Variants in EPM2A observed in about 807,000 individuals in gnomAD.
The protein encoded by EPM2A is laforin.
EPM2A carries 21 observed loss-of-function variants against 26.5 expected under a neutral mutation model. The observed-to-expected ratio is 0.79, with a 90% confidence interval of 0.56 to 1.14. The LOEUF is 1.14. EPM2A is among the 50% of genes most tolerant of loss of function. EPM2A has a pLI of 0.00. For synonymous variants in EPM2A, 217 were observed against 177.6 expected (o/e 1.22, Z -1.76); for missense variants, 458 against 440.8 (o/e 1.04, Z -0.35).
At chr6:145,534,593 G>T (rs1416922817) in intron 2 of EPM2A, among the ~76,000 whole-genome samples, 1 of 152,248 alleles carries the variant, frequency 6.6e-6, no homozygotes, top group Non-Finnish European at 1.5e-5. Context: ...GTCAATGCAA[G>T]CACGGGGGCC....
intron 4 of EPM2A, among the ~76,000 whole-genome samples, chr6:145,444,573 G>A (rs570535492): frequency 6.6e-6 from 1 of 152,226 alleles, no homozygotes; most frequent in South Asian, 2.1e-4. Context: ...TCAGTTTTTG[G>A]TATCAGGATG....
Position 145,635,421 on chromosome 6 carries a change from T to C in EPM2A, c.542A>G (p.Lys181Arg). Residue 181 changes from lysine (K) to arginine (R), a missense_variant, in exon 3 of 4, where the codon AAG becomes AGG. By Grantham distance (26) the Lys-to-Arg change is conservative. Transcript: ENST00000367519. ...RQVEHVTIKLKHELGITAVMN... is the reference protein window; with the variant it reads ...RQVEHVTIKLRHELGITAVMN... ...TACAGCTGTAATCCCCAATTCATGCTTCAGTTTGATGGTTACATGTTCCAC... is the reference window on the plus strand; with the variant it reads ...TACAGCTGTAATCCCCAATTCATGCCTCAGTTTGATGGTTACATGTTCCAC... 6.2e-7 allele frequency: 1 copy of C among 1,614,056 alleles called. No homozygotes were observed. Among genetic ancestry groups the C allele is most frequent in the Non-Finnish European group, 8.5e-7 (1 of 1,179,884 alleles).
At chr6:145,542,157 A>G (rs1378039625) in intron 2 of EPM2A, among the ~76,000 whole-genome samples, 1 of 152,236 alleles carries the variant, frequency 6.6e-6, no homozygotes, top group African/African-American at 2.4e-5. Flanking sequence ...AAGCTTCTGA[A>G]TATTTCTTCA....
intron 4 of EPM2A, among the ~76,000 whole-genome samples, chr6:145,494,999 C>T (rs539429352): frequency 2.2e-4 from 33 of 152,214 alleles, no homozygotes; most frequent in African/African-American, 3.6e-4. Flanking sequence ...AGATACCTAT[C>T]GGGTCCCTTT....
At chr6:145,624,807 T>A (rs1455431503), downstream of EPM2A, among the ~76,000 whole-genome samples, 1 of 152,208 alleles carries the variant, frequency 6.6e-6, no homozygotes, top group Non-Finnish European at 1.5e-5. Flanking sequence ...TTTTTCATCA[T>A]TATTTCTTAC....
exon 5 of EPM2A, chr6:145,383,451 T>C (rs1305821315): frequency 6.6e-6 from 1 of 152,184 alleles, no homozygotes; most frequent in African/African-American, 2.4e-5. Flanking sequence ...TCAGGAAACT[T>C]TTGATCATGG....
chr6:145,509,475 T>C (rs193012122), intron 2 of EPM2A, among the ~76,000 whole-genome samples: 3 of 152,330 alleles, frequency 2.0e-5, no homozygotes, highest in Admixed American at 6.5e-5. Context: ...AAGAATTTCA[T>C]ATTCCACCAA....
intron 2 of EPM2A, among the ~76,000 whole-genome samples, chr6:145,665,893 A>C (rs2128593183): frequency 6.6e-6 from 1 of 151,116 alleles, no homozygotes; most frequent in African/African-American, 2.4e-5. Flanking sequence ...CCAGCATATA[A>C]ACAAAGCCAA....
chr6:145,735,241 G>A lies in EPM2A; in HGVS notation c.258C>T (p.Tyr86=), dbSNP rs750988816. The change falls in exon 1 of 4, where the codon TAC becomes TAT. Residue 86 remains tyrosine (Y), a synonymous_variant. Coordinates refer to ENST00000367519, the MANE Select transcript of EPM2A (RefSeq NM_005670.4). ...AEPGRVDTFW[Y]KFLKREPGGE... is the part of the protein sequence containing the mutation. ...CTCCCGGCTCCCGCTTCAGGAACTTGTACCAGAACGTGTCCACGCGGCCCG... is the reference window on the plus strand; with the variant it reads ...CTCCCGGCTCCCGCTTCAGGAACTTATACCAGAACGTGTCCACGCGGCCCG... 2.6e-6 allele frequency: 4 copies of A among 1,538,978 alleles called. No homozygotes were observed. The highest frequency in any genetic ancestry group is 3.9e-5 in the Admixed American group (2 of 51,798).
At chr6:145,480,403 G>A (rs1779599061) in intron 4 of EPM2A, among the ~76,000 whole-genome samples, 1 of 151,916 alleles carries the variant, frequency 6.6e-6, no homozygotes, top group African/African-American at 2.4e-5. Flanking sequence ...TCCCACCAGG[G>A]CCCCCTTCCA....
intron 4 of EPM2A, among the ~76,000 whole-genome samples, chr6:145,412,174 G>A (rs1039723211): frequency 4.5e-4 from 64 of 143,052 alleles, no homozygotes; most frequent in African/African-American, 1.4e-3. Context: ...CCAAGATTGC[G>A]CCATTGCACT....
intron 2 of EPM2A, among the ~76,000 whole-genome samples, chr6:145,530,041 T>C (rs1739983411): frequency 6.6e-6 from 1 of 152,138 alleles, no homozygotes; most frequent in Non-Finnish European, 1.5e-5. Context: ...GTTCAAAAAA[T>C]AAACAAAGCG....
At chr6:145,607,463 C>A (rs74777886) in intron 2 of EPM2A, among the ~76,000 whole-genome samples, 2 of 152,086 alleles carry the variant, frequency 1.3e-5, no homozygotes, top group East Asian at 3.9e-4. Context: ...AAAGCTTTGA[C>A]GGCAGATGGG....
intron 4 of EPM2A, among the ~76,000 whole-genome samples, chr6:145,393,527 G>C (rs1164307009): frequency 6.6e-6 from 1 of 152,072 alleles, no homozygotes; most frequent in African/African-American, 2.4e-5. Flanking sequence ...TAAGAATAGG[G>C]GTACTACGAC....
chr6:145,597,474 T>A lies in EPM2A; in HGVS notation c.340+37771A>T, dbSNP rs546572731. On this transcript the variant is annotated intron_variant, in intron 2 of 3. Transcript: ENST00000450221. ...TTTGTATGTGACCTGTTTATTTTTTTTTCTTTTTTTTGGTAAGTTTTACAC... is the reference window on the plus strand; with the variant it reads ...TTTGTATGTGACCTGTTTATTTTTTATTCTTTTTTTTGGTAAGTTTTACAC... 5.4e-4 allele frequency among the ~76,000 whole-genome samples: 75 copies of A among 138,550 alleles called. 2 individuals are homozygous for A. Among genetic ancestry groups the A allele is most frequent in the South Asian group, 3.0e-3 (13 of 4,350 alleles). 90.9% of individuals were successfully genotyped at this position (138,550 alleles called of 152,430 possible).
intron 2 of EPM2A, among the ~76,000 whole-genome samples, chr6:145,575,638 G>T (rs565876313): frequency 1.4e-4 from 21 of 152,222 alleles, no homozygotes; most frequent in African/African-American, 4.8e-4. Context: ...AGTTGTCAAA[G>T]GTATTATGTA....
intron 4 of EPM2A, among the ~76,000 whole-genome samples, chr6:145,430,811 G>A (rs1055863022): frequency 6.6e-6 from 1 of 152,144 alleles, no homozygotes; most frequent in African/African-American, 2.4e-5. Context: ...CAGATTAATT[G>A]ATACTGAAGA....
intron 1 of EPM2A, among the ~76,000 whole-genome samples, chr6:145,708,378 G>A (rs1337771779): frequency 1.3e-5 from 2 of 152,148 alleles, no homozygotes; most frequent in Non-Finnish European, 1.5e-5. Context: ...TCACAGGCCT[G>A]GAGAAGCAGG....
chr6:145,385,821 CT>C (rs971525631), intron 4 of EPM2A, among the ~76,000 whole-genome samples: 10 of 151,226 alleles, frequency 6.6e-5, no homozygotes, highest in Admixed American at 1.3e-4. Flanking sequence ...CTTTTTTCTA[CT>C]TTTTTTTTGT....
Sources: allele counts gnomAD v4.1 joint callset (sites outside exome capture counted in the v4.1 genomes callset), GRCh38; gene constraint gnomAD v4.1.1; transcripts MANE v1.5; gene names NCBI Gene and HGNC (gene_info 2026-07-23, HGNC 2026-07-21).